The following RANBP9 variants were observed in gnomAD, a reference collection of about 807,000 sequenced individuals.
RANBP9 encodes RAN binding protein 9.
A neutral mutation model predicts 84.3 loss-of-function variants in RANBP9; 15 were observed. The observed-to-expected ratio is 0.18, with a 90% confidence interval of 0.12 to 0.27. RANBP9 has a LOEUF of 0.27. Among genes scored for constraint, RANBP9 ranks in the 10% least tolerant of loss-of-function variants. The pLI is 1.00. For missense variants in RANBP9, 809 were observed against 912.8 expected (o/e 0.89, Z 1.46); for synonymous variants, 392 against 349.6 (o/e 1.12, Z -1.35).
intron 6 of RANBP9, among the ~76,000 whole-genome samples, chr6:13,644,063 T>C (rs1765126225): frequency 6.6e-6 from 1 of 152,210 alleles, no homozygotes; most frequent in Non-Finnish European, 1.5e-5. Context: ...TAATGGTATT[T>C]ATTTAAATTT....
chr6:13,681,641 TGTTTCAA>T, intron 2 of RANBP9, among the ~76,000 whole-genome samples: 2 of 151,848 alleles, frequency 1.3e-5, no homozygotes, highest in Middle Eastern at 3.4e-3. Flanking sequence ...GCAACAAAAA[TGTTTCAA>T]GTTTCCTTTC....
intron 2 of RANBP9, among the ~76,000 whole-genome samples, chr6:13,673,241 G>A (rs919806185): frequency 6.6e-6 from 1 of 152,136 alleles, no homozygotes; most frequent in Non-Finnish European, 1.5e-5. Flanking sequence ...AGAGAGTGGA[G>A]TGAAATATTT....
chr6:13,634,182 A>G (rs532461018), intron 11 of RANBP9, among the ~76,000 whole-genome samples: 6 of 152,220 alleles, frequency 3.9e-5, no homozygotes, highest in Non-Finnish European at 5.9e-5. Flanking sequence ...GTACTGCTGC[A>G]TTAGTGACAG....
At chr6:13,645,541 T>C (rs923393172) in intron 5 of RANBP9, among the ~76,000 whole-genome samples, 2 of 152,220 alleles carry the variant, frequency 1.3e-5, no homozygotes, top group African/African-American at 4.8e-5. Context: ...GGCTACTAAA[T>C]GCCAGGGTTT....
intron 1 of RANBP9, among the ~76,000 whole-genome samples, chr6:13,710,359 C>A (rs529028028): frequency 2.0e-4 from 30 of 152,214 alleles, no homozygotes; most frequent in African/African-American, 6.7e-4. Flanking sequence ...CTTCTCTTAC[C>A]CTCCCGGTTG....
At chr6:13,640,730 G>A (rs961849961) in intron 8 of RANBP9, among the ~76,000 whole-genome samples, 3 of 152,164 alleles carry the variant, frequency 2.0e-5, no homozygotes, top group Non-Finnish European at 2.9e-5. Flanking sequence ...GTGGTTTCCA[G>A]GGGCTAGGGG....
intron 3 of RANBP9, 92 bp downstream of exon 3, chr6:13,658,688 G>GT: frequency 9.8e-7 from 1 of 1,025,564 alleles, no homozygotes; most frequent in South Asian, 1.4e-5. Flanking sequence ...CAGAAAATCA[G>GT]TATCTTTAAA....
At chr6:13,710,883 C>G in intron 1 of RANBP9, 52 bp downstream of exon 1, 4 of 1,522,098 alleles carry the variant, frequency 2.6e-6, no homozygotes, top group Non-Finnish European at 2.7e-6. Flanking sequence ...CAGCGGCGGC[C>G]GGCCACGTCG....
intron 2 of RANBP9, among the ~76,000 whole-genome samples, chr6:13,673,037 C>G (rs1404076154): frequency 1.3e-5 from 2 of 152,102 alleles, no homozygotes; most frequent in East Asian, 3.9e-4. Flanking sequence ...TCCCCCAAAC[C>G]CCAAATCCAG....
At chr6:13,681,521 G>A (rs942678157) in intron 2 of RANBP9, among the ~76,000 whole-genome samples, 2 of 152,018 alleles carry the variant, frequency 1.3e-5, no homozygotes, top group Non-Finnish European at 2.9e-5. Context: ...TACCTTAAAA[G>A]GAGGGGACTA....
intron 9 of RANBP9, 55 bp from the exon 10 acceptor site, chr6:13,638,010 G>GC: frequency 2.7e-6 from 4 of 1,480,320 alleles, no homozygotes; most frequent in Non-Finnish European, 3.6e-6. Context: ...TATTAATACG[G>GC]TTGTAAACAA....
chr6:13,659,294 ACG>A (rs915442890), intron 2 of RANBP9, among the ~76,000 whole-genome samples: 2 of 147,476 alleles, frequency 1.4e-5, no homozygotes, highest in South Asian at 2.2e-4. Context: ...ACACACACAC[ACG>A]GAAATATGGA....
At position 13,689,494 on chromosome 6, in the gene RANBP9, G is replaced by A. The variant is rs151240226; in HGVS notation, c.683+7291C>T. On this transcript the variant is annotated intron_variant, in intron 2 of 13. Coordinates refer to ENST00000011619, the MANE Select transcript of RANBP9 (RefSeq NM_005493.3). ...ACTATATGTTGGTCAGGCTAGTCTC[G>A]AACTCTTTATCTCAGGTGATCCACC... is the stretch of plus-strand genomic sequence containing the variant. Among the ~76,000 whole-genome samples the A allele has an allele frequency of 3.3e-3, 507 of 151,958 alleles. 2 individuals are homozygous for A. The highest frequency in any genetic ancestry group is 0.012 in the African/African-American group (493 of 41,452).
chr6:13,632,323 T>C (rs1206466904), intron 12 of RANBP9, 47 bp downstream of exon 12: 19 of 1,572,272 alleles, frequency 1.2e-5, no homozygotes, highest in Non-Finnish European at 1.6e-5. Context: ...AACTACATTT[T>C]AGTTCCTCTG....
At chr6:13,629,916 TCTCTC>T (rs748819978) in intron 12 of RANBP9, among the ~76,000 whole-genome samples, 157 of 120,932 alleles carry the variant, frequency 1.3e-3, no homozygotes, top group East Asian at 4.4e-3. Context: ...TCTCTCTCTC[TCTCTC>T]GTGTGTGTGT....
Position 13,708,184 on chromosome 6 carries a change from T to A in RANBP9, c.571+2751A>T, listed in dbSNP as rs957965809. On this transcript the variant is annotated intron_variant, in intron 1 of 13. Coordinates refer to ENST00000011619, the MANE Select transcript of RANBP9 (RefSeq NM_005493.3). ...GGCTTGTAATTCCAGTACTTTGGGA[T>A]GCCAAGGTGGGAGGATCACTGGAGC... 4.3e-4 allele frequency among the ~76,000 whole-genome samples: 65 copies of A among 152,030 alleles called. 1 individual carries two copies. Among genetic ancestry groups the A allele is most frequent in the Non-Finnish European group, 5.6e-4 (38 of 68,012 alleles).
chr6:13,666,775 C>A (rs141628226), intron 2 of RANBP9, among the ~76,000 whole-genome samples: 92 of 151,740 alleles, frequency 6.1e-4, no homozygotes, highest in African/African-American at 1.7e-3. Flanking sequence ...ACAACAACAA[C>A]AAAAAATTGT....
chr6:13,691,575 A>G (rs1766321941), intron 2 of RANBP9, among the ~76,000 whole-genome samples: 1 of 152,182 alleles, frequency 6.6e-6, no homozygotes, highest in Non-Finnish European at 1.5e-5. Flanking sequence ...TTCATGAGAA[A>G]ATTTGTTGCC....
chr6:13,689,021 G>A (rs1396585121), intron 2 of RANBP9, among the ~76,000 whole-genome samples: 1 of 140,686 alleles, frequency 7.1e-6, no homozygotes, highest in Middle Eastern at 3.5e-3. Context: ...GCATGGTGAC[G>A]CACACCCATA....
Sources: allele counts gnomAD v4.1 joint callset (sites outside exome capture counted in the v4.1 genomes callset), GRCh38; gene constraint gnomAD v4.1.1; transcripts MANE v1.5; gene names NCBI Gene and HGNC (gene_info 2026-07-23, HGNC 2026-07-21).